Variants in LRRTM4 observed in about 807,000 individuals in gnomAD.
The protein encoded by LRRTM4 is leucine rich repeat transmembrane neuronal 4.
In LRRTM4, 25 loss-of-function variants were observed where a neutral mutation model predicts 47.6. The ratio of observed to expected loss-of-function variants is 0.53; its 90% CI spans 0.38 to 0.73. The LOEUF (loss-of-function observed/expected upper bound fraction) is 0.73. LRRTM4 is among the 30% of genes least tolerant of loss of function. The probability of loss-of-function intolerance (pLI) is 0.00; values close to 1 mark genes in which losing one functional copy is unlikely to be tolerated. For missense variants in LRRTM4, 638 were observed against 713.4 expected, an observed-to-expected ratio of 0.89 and a Z score of 1.20; for synonymous variants, 311 against 269.5, an observed-to-expected ratio of 1.15 and a Z score of -1.51.
chr2:76,830,461 C>G (rs1476089684), intron 3 of LRRTM4, among the ~76,000 whole-genome samples: 1 of 151,278 alleles, frequency 6.6e-6, no homozygotes, highest in East Asian at 1.9e-4. Context: ...GACATTTTAT[C>G]CCTGCCTACC....
At chr2:77,197,139 C>T (rs920851155) in intron 3 of LRRTM4, among the ~76,000 whole-genome samples, 4 of 152,156 alleles carry the variant, frequency 2.6e-5, no homozygotes, top group South Asian at 2.1e-4. Flanking sequence ...AAATAGTAGG[C>T]ATTCTTGCCT....
chr2:76,780,721 A>T (rs927629965), intron 3 of LRRTM4, among the ~76,000 whole-genome samples: 1 of 152,128 alleles, frequency 6.6e-6, no homozygotes, highest in African/African-American at 2.4e-5. Context: ...CCCGTAGCTC[A>T]GAGTAATTTG....
intron 3 of LRRTM4, among the ~76,000 whole-genome samples, chr2:76,801,405 A>G (rs1329752395): frequency 1.3e-5 from 2 of 152,122 alleles, no homozygotes; most frequent in Non-Finnish European, 2.9e-5. Flanking sequence ...TCAGTAAACT[A>G]TCGCAAGAAC....
intron 3 of LRRTM4, among the ~76,000 whole-genome samples, chr2:76,934,973 A>T (rs1205655683): frequency 6.6e-6 from 1 of 152,038 alleles, no homozygotes; most frequent in Non-Finnish European, 1.5e-5. Context: ...TGGAGGAAAA[A>T]AAAAAAGATG....
At chr2:76,872,893 C>T (rs902017351) in intron 3 of LRRTM4, among the ~76,000 whole-genome samples, 2 of 152,054 alleles carry the variant, frequency 1.3e-5, no homozygotes, top group African/African-American at 2.4e-5. Flanking sequence ...CCTTCCCACT[C>T]ACCCTTGCTC....
chr2:77,230,591 A>G (rs1347886105), intron 3 of LRRTM4, among the ~76,000 whole-genome samples: 1 of 152,084 alleles, frequency 6.6e-6, no homozygotes, highest in Non-Finnish European at 1.5e-5. Flanking sequence ...TCTTTCCTAA[A>G]ACTTTTGTTG....
At chr2:77,067,910 G>C (rs1454204132) in intron 3 of LRRTM4, among the ~76,000 whole-genome samples, 1 of 151,902 alleles carries the variant, frequency 6.6e-6, no homozygotes, top group Non-Finnish European at 1.5e-5. Context: ...CAAAAAAAGG[G>C]AAAGTGATAT....
At position 77,117,554 on chromosome 2, in the gene LRRTM4, A is replaced by G. The variant is rs369935069; in HGVS notation, c.1552-368638T>C. Among the ~76,000 whole-genome samples the G allele has an allele frequency of 1.2e-3, 182 of 151,932 alleles. 1 individual carries two copies. Among genetic ancestry groups the G allele is most frequent in the African/African-American group, 4.2e-3 (175 of 41,488 alleles). On this transcript the variant is annotated intron_variant, in intron 3 of 3. Coordinates refer to ENST00000409884, the MANE Select transcript of LRRTM4 (RefSeq NM_001134745.3). The stretch of plus-strand genomic sequence containing the variant: ...CAAAACCTATCTGCTCCATATGGGC[A>G]TGGCAAATATCTAAAAACTTTTTGT...
intron 3 of LRRTM4, among the ~76,000 whole-genome samples, chr2:77,207,763 C>A (rs987072031): frequency 4.1e-5 from 6 of 146,004 alleles, no homozygotes. Context: ...TCACTTATTT[C>A]AAAATAAATT....
At chr2:77,147,040 CT>C (rs1672278392) in intron 3 of LRRTM4, among the ~76,000 whole-genome samples, 1 of 152,100 alleles carries the variant, frequency 6.6e-6, no homozygotes, top group Admixed American at 6.5e-5. Context: ...AAATATACAT[CT>C]TTCCCAGAGA....
At chr2:77,421,693 G>C (rs990863838) in intron 3 of LRRTM4, among the ~76,000 whole-genome samples, 17 of 151,176 alleles carry the variant, frequency 1.1e-4, no homozygotes, top group Middle Eastern at 3.2e-3. Context: ...GGCGGCAGAG[G>C]GAGACTCCAT....
At chr2:76,926,672 C>A (rs1674598930) in intron 3 of LRRTM4, among the ~76,000 whole-genome samples, 1 of 152,128 alleles carries the variant, frequency 6.6e-6, no homozygotes, top group Non-Finnish European at 1.5e-5. Flanking sequence ...ATGAGTCTGA[C>A]CCCTTCTTGC....
chr2:77,218,070 C>G (rs1441409173), intron 3 of LRRTM4, among the ~76,000 whole-genome samples: 3 of 152,168 alleles, frequency 2.0e-5, no homozygotes, highest in African/African-American at 7.2e-5. Context: ...TCTCAGCTCA[C>G]TACAACCTCC....
chr2:76,929,672 G>GT (rs1674703080), intron 3 of LRRTM4, among the ~76,000 whole-genome samples: 1 of 151,872 alleles, frequency 6.6e-6, no homozygotes, highest in African/African-American at 2.4e-5. Context: ...AATTCCCCAG[G>GT]GCTGCAGACT....
At chr2:77,293,569 AT>A (rs1676890030) in intron 3 of LRRTM4, among the ~76,000 whole-genome samples, 1 of 152,182 alleles carries the variant, frequency 6.6e-6, no homozygotes, top group Admixed American at 6.6e-5. Flanking sequence ...GCTCATATGC[AT>A]TTTTGACAGA....
At position 77,521,653 on chromosome 2, in the gene LRRTM4, C is replaced by T. The variant is rs777512135; in HGVS notation, c.4+15G>A. ...ATCAGCTTTGCTCAGAAGGAAACAA[C>T]AAAAGTTCACTTACCCATCCTTTGT... On this transcript the variant is annotated intron_variant, in intron 2 of 3. Transcript: ENST00000409884. 83 of 1,612,088 alleles carry T rather than the reference C, an allele frequency of 5.1e-5. No homozygotes were observed. Among genetic ancestry groups the T allele is most frequent in the Non-Finnish European group, 7.0e-5 (83 of 1,179,080 alleles).
At chr2:76,756,946 C>T (rs1415942673) in intron 3 of LRRTM4, among the ~76,000 whole-genome samples, 1 of 152,036 alleles carries the variant, frequency 6.6e-6, no homozygotes, top group Non-Finnish European at 1.5e-5. Flanking sequence ...AATAATCATA[C>T]CCTTTCTTTA....
At chr2:77,189,862 A>C (rs1673618092) in intron 3 of LRRTM4, among the ~76,000 whole-genome samples, 1 of 152,118 alleles carries the variant, frequency 6.6e-6, no homozygotes, top group African/African-American at 2.4e-5. Flanking sequence ...AACAATATCT[A>C]TGTATGTATA....
At chr2:76,985,420 T>A (rs946355013) in intron 3 of LRRTM4, among the ~76,000 whole-genome samples, 6 of 151,976 alleles carry the variant, frequency 3.9e-5, no homozygotes, top group South Asian at 4.1e-4. Flanking sequence ...GTTCGTCTGC[T>A]AACACCACAG....
Sources: gnomAD v4.1 joint callset for allele counts (sites outside exome capture counted in the v4.1 genomes callset) on GRCh38, gnomAD v4.1.1 for gene constraint, MANE v1.5 for transcripts, NCBI Gene and HGNC (gene_info 2026-07-23, HGNC 2026-07-21) for gene names.